The following ABCA9 variants were observed in gnomAD, a reference collection of about 807,000 sequenced individuals.
ABCA9 encodes ATP binding cassette subfamily A member 9.
A neutral mutation model predicts 205.3 loss-of-function variants in ABCA9; 183 were observed. That is an observed-to-expected ratio of 0.89 (90% CI 0.79 to 1.01). ABCA9 has a LOEUF of 1.01. Among genes scored for constraint, ABCA9 ranks in the 50% least tolerant of loss-of-function variants. The pLI, the probability that ABCA9 is intolerant of heterozygous loss-of-function variation, is 0.00. For synonymous variants in ABCA9, 651 were observed against 683.3 expected, an observed-to-expected ratio of 0.95 and a Z score of 0.74; for missense variants, 1,805 against 1,912.4, an observed-to-expected ratio of 0.94 and a Z score of 1.05.
upstream of ABCA9, among the ~76,000 whole-genome samples, chr17:69,065,680 T>C (rs2072340239): frequency 6.6e-6 from 1 of 152,174 alleles, no homozygotes; most frequent in African/African-American, 2.4e-5. Flanking sequence ...AGCTCCTACT[T>C]TTCCTTCAGG....
intron 31 of ABCA9, 175 bp from the exon 32 acceptor site, chr17:68,986,499 G>A (rs2069244835): frequency 3.7e-6 from 2 of 543,718 alleles, no homozygotes; most frequent in South Asian, 3.6e-5. Flanking sequence ...CACTTTAAAA[G>A]GCAGACATTC....
In ABCA9 at chr17:69,033,878, A is replaced by C; in HGVS notation, c.1129-5T>G. 6.3e-7 allele frequency: 1 copy of C among 1,579,320 alleles called. No individual in the cohort carries two copies. Among genetic ancestry groups the C allele is most frequent in the South Asian group, 1.2e-5 (1 of 85,984 alleles). Reference sequence around the variant, plus strand: ...ATCATAGTCCAAATGTATAAGCTGAAAAAGAAAGATACAGTGAATTTTAAA... The same window carrying C: ...ATCATAGTCCAAATGTATAAGCTGACAAAGAAAGATACAGTGAATTTTAAA... On this transcript the variant is annotated splice_polypyrimidine_tract_variant and splice_region_variant and intron_variant, in intron 8 of 38. Transcript: ENST00000340001.
At chr17:69,066,081 T>C in the ABCA9 span, among the ~76,000 whole-genome samples, 1 of 152,232 alleles carries the variant, frequency 6.6e-6, no homozygotes, top group Non-Finnish European at 1.5e-5. Flanking sequence ...AATATGTCTT[T>C]ACTAGCAACG....
intron 1 of ABCA9, among the ~76,000 whole-genome samples, chr17:69,053,882 T>C (rs942463409): frequency 1.2e-4 from 18 of 152,016 alleles, no homozygotes; most frequent in African/African-American, 3.9e-4. Flanking sequence ...CCAAGAAATA[T>C]CATTTTCAAA....
At chr17:68,991,182 C>T (rs1230229014) in intron 28 of ABCA9, among the ~76,000 whole-genome samples, 1 of 152,108 alleles carries the variant, frequency 6.6e-6, no homozygotes, top group Non-Finnish European at 1.5e-5. Context: ...AAAGCTTAAT[C>T]CTCCCTGTTG....
Position 69,018,439 on chromosome 17 carries a change from G to A in ABCA9, c.2741C>T (p.Thr914Ile), listed in dbSNP as rs749171535. Residue 914 changes from threonine (T) to isoleucine (I), a missense_variant, in exon 20 of 39, where the codon ACC (threonine) becomes ATC (isoleucine). Transcript: ENST00000340001. Reference protein sequence around the residue: ...SPGQQPQDPLTHLLVINKTGS... With the variant: ...SPGQQPQDPLIHLLVINKTGS... The stretch of plus-strand genomic sequence containing the variant: ...TGTCTTATTGATGACCAGTAAATGG[G>A]TCAGAGGATCCTGTGGTTGTTGTCC... 127 of 1,598,932 alleles carry A rather than the reference G, an allele frequency of 7.9e-5. No homozygotes were observed. The highest frequency in any genetic ancestry group is 1.1e-4 in the Non-Finnish European group (124 of 1,175,314).
At chr17:68,986,468 G>A in intron 31 of ABCA9, 144 bp from the exon 32 acceptor site, 1 of 793,728 alleles carries the variant, frequency 1.3e-6, no homozygotes, top group Non-Finnish European at 1.8e-6. Flanking sequence ...ACTTAACTTT[G>A]GGGAAAAGGT....
intron 16 of ABCA9, 117 bp from the exon 17 acceptor site, chr17:69,024,470 A>C: frequency 1.0e-6 from 1 of 978,244 alleles, no homozygotes; most frequent in Non-Finnish European, 1.5e-6. Flanking sequence ...AAAAATGTGT[A>C]GTTTACTGGA....
Position 69,049,493 on chromosome 17 carries a change from A to G in ABCA9, c.97-3T>C, listed in dbSNP as rs2071830270. 1 of 1,599,888 alleles carries G rather than the reference A, an allele frequency of 6.3e-7. No homozygotes were observed. The highest frequency in any genetic ancestry group is 1.7e-5 in the Admixed American group (1 of 58,630). ...AGAAGAAATGAAAAGAGCCATTCCTATATAGCAATAAGAGAAAAAGGAAAC... is the reference window on the plus strand; with the variant it reads ...AGAAGAAATGAAAAGAGCCATTCCTGTATAGCAATAAGAGAAAAAGGAAAC... On this transcript the variant is annotated splice_region_variant and splice_polypyrimidine_tract_variant and intron_variant, in intron 2 of 38. Transcript: ENST00000340001.
At chr17:69,073,852 C>G in the ABCA9 span, among the ~76,000 whole-genome samples, 1 of 152,018 alleles carries the variant, frequency 6.6e-6, no homozygotes, top group Non-Finnish European at 1.5e-5. Flanking sequence ...ACATACCACC[C>G]GGCTAACTTT....
chr17:68,981,927 A>G (rs2069066981), intron 37 of ABCA9, among the ~76,000 whole-genome samples: 1 of 148,116 alleles, frequency 6.8e-6, no homozygotes, highest in African/African-American at 2.6e-5. Context: ...AAGAAGGGGC[A>G]TGAGGTTTCA....
intron 1 of ABCA9, among the ~76,000 whole-genome samples, chr17:69,060,510 C>A (rs1479501574): frequency 6.9e-6 from 1 of 145,632 alleles, no homozygotes; most frequent in African/African-American, 2.5e-5. Context: ...ATTCCTCTGG[C>A]AGTAAAATTA....
chr17:69,061,736 T>G (rs1182991262), upstream of ABCA9, among the ~76,000 whole-genome samples: 1 of 152,204 alleles, frequency 6.6e-6, no homozygotes, highest in Non-Finnish European at 1.5e-5. Context: ...TGGTAATAGA[T>G]GCCATTCTGT....
At chr17:68,996,300 T>C (rs2069622501) in intron 25 of ABCA9, among the ~76,000 whole-genome samples, 2 of 152,250 alleles carry the variant, frequency 1.3e-5, no homozygotes, top group Admixed American at 1.3e-4. Flanking sequence ...TGATTATTTA[T>C]TGTACATTAC....
chr17:69,067,617 G>C, the ABCA9 span, among the ~76,000 whole-genome samples: 2 of 146,654 alleles, frequency 1.4e-5, no homozygotes, highest in South Asian at 2.2e-4. Context: ...AAGAAAGAAA[G>C]AAAGAAGAAA....
At chr17:68,981,441 C>T (rs1359636314) in intron 37 of ABCA9, among the ~76,000 whole-genome samples, 2 of 152,112 alleles carry the variant, frequency 1.3e-5, no homozygotes, top group Non-Finnish European at 2.9e-5. Flanking sequence ...AAAATACTTC[C>T]TGTTGATCTC....
chr17:68,977,101 C>T (rs1293683087), intron 37 of ABCA9, among the ~76,000 whole-genome samples: 1 of 152,102 alleles, frequency 6.6e-6, no homozygotes, highest in African/African-American at 2.4e-5. Flanking sequence ...AGCAAAGATG[C>T]TTGTGTGTTT....
rs547533320 is a variant in ABCA9 at position 68,977,354 on chromosome 17, A to G, written c.4721-1164T>C. 3.9e-5 allele frequency among the ~76,000 whole-genome samples: 6 copies of G among 152,280 alleles called. No homozygotes were observed. The East Asian group carries it at 1.2e-3, about 29-fold the overall frequency. On this transcript the variant is annotated intron_variant, in intron 37 of 38. Coordinates refer to ENST00000340001, the MANE Select transcript of ABCA9 (RefSeq NM_080283.4). ...TGAAAGAAAGGGCCAGCAATTCTTC[A>G]TTTCTATACTGGAGACCCCAATGTG...
Position 69,044,389 on chromosome 17 carries a change from G to A in ABCA9, c.573+108C>T, listed in dbSNP as rs996037392. On this transcript the variant is annotated intron_variant, in intron 5 of 38. Transcript: ENST00000340001. ...TATTATGGAAGTTGTTCTGTATATT[G>A]TGCCTTATTAATGAAGTGAATAAAT... The A allele has an allele frequency of 7.8e-6, 7 of 899,348 alleles. No homozygotes were observed. In the African/African-American group the frequency reaches 1.2e-4, roughly 15 times the overall value. 55.7% of individuals were successfully genotyped at this position (899,348 alleles called of 1,614,324 possible).
Sources: allele counts gnomAD v4.1 joint callset (sites outside exome capture counted in the v4.1 genomes callset), GRCh38; gene constraint gnomAD v4.1.1; transcripts MANE v1.5; gene names NCBI Gene and HGNC (gene_info 2026-07-23, HGNC 2026-07-21).